Variants in TAFA2 observed in about 807,000 individuals in gnomAD.
TAFA2 encodes the protein chemokine-like protein TAFA-2.
Under a neutral mutation model 18.8 loss-of-function variants are expected in TAFA2, and 7 were observed. That is an observed-to-expected ratio of 0.37 (90% CI 0.21 to 0.70). The LOEUF is 0.70. TAFA2 is among the 30% of genes least tolerant of loss of function. The pLI is 0.53. For missense variants in TAFA2, 122 were observed against 158.1 expected (o/e 0.77, Z 1.23); for synonymous variants, 60 against 54.2 (o/e 1.11, Z -0.47).
chr12:62,189,940 T>TTGTG (rs10643306), intron 1 of TAFA2, among the ~76,000 whole-genome samples: 26,633 of 141,828 alleles, frequency 0.19, 2,650 homozygotes, highest in East Asian at 0.29. Flanking sequence ...TGAGTTTGCT[T>TTGTG]TGTGTGTGTG....
chr12:61,761,783 A>G (rs933246999), intron 2 of TAFA2, among the ~76,000 whole-genome samples: 2 of 152,076 alleles, frequency 1.3e-5, no homozygotes, highest in African/African-American at 4.8e-5. Context: ...GATCTTGACC[A>G]TTATCTTATA....
intron 1 of TAFA2, among the ~76,000 whole-genome samples, chr12:62,184,608 C>G (rs1000786321): frequency 6.7e-6 from 1 of 148,512 alleles, no homozygotes; most frequent in Non-Finnish European, 1.5e-5. Context: ...ATCCTCCCCC[C>G]TCTCAGCCTC....
chr12:61,830,201 G>T, intron 2 of TAFA2, among the ~76,000 whole-genome samples: 1 of 149,914 alleles, frequency 6.7e-6, no homozygotes, highest in Middle Eastern at 3.6e-3. Context: ...TATGTATATG[G>T]TATGTATATG....
intron 1 of TAFA2, among the ~76,000 whole-genome samples, chr12:62,025,594 A>G (rs1881286182): frequency 6.6e-6 from 1 of 152,126 alleles, no homozygotes; most frequent in African/African-American, 2.4e-5. Flanking sequence ...TATCATTCAT[A>G]TTTAAGCAGA....
chr12:62,077,351 C>T (rs1192735692), intron 1 of TAFA2, among the ~76,000 whole-genome samples: 1 of 152,174 alleles, frequency 6.6e-6, no homozygotes, highest in Non-Finnish European at 1.5e-5. Flanking sequence ...AAAGTCATTG[C>T]AAAAGCTATC....
At position 61,763,719 on chromosome 12, in the gene TAFA2, C is replaced by A. The variant is rs144664043; in HGVS notation, c.107-8695G>T. 5.2e-3 allele frequency among the ~76,000 whole-genome samples: 797 copies of A among 151,898 alleles called. 14 individuals carry two copies. Among genetic ancestry groups the A allele is most frequent in the Admixed American group, 0.04 (612 of 15,228 alleles). On this transcript the variant is annotated intron_variant, in intron 2 of 4. Transcript: ENST00000416284. ...GAGTCAGGTAACCCACAGAAAGCTT[C>A]GCGCATGCCTCACGGTAAAGAGGGA...
chr12:61,761,001 G>C (rs1370512326), intron 2 of TAFA2, among the ~76,000 whole-genome samples: 5 of 151,976 alleles, frequency 3.3e-5, no homozygotes, highest in Non-Finnish European at 7.4e-5. Flanking sequence ...ATGAAACAGG[G>C]ATACAAAGTC....
chr12:62,010,058 C>G (rs973938308), intron 1 of TAFA2, among the ~76,000 whole-genome samples: 1 of 152,176 alleles, frequency 6.6e-6, no homozygotes, highest in African/African-American at 2.4e-5. Flanking sequence ...TCTCCATTAG[C>G]TTTTACATTT....
chr12:61,928,205 T>C (rs1018593366), intron 1 of TAFA2, among the ~76,000 whole-genome samples: 9 of 152,072 alleles, frequency 5.9e-5, no homozygotes, highest in African/African-American at 1.9e-4. Context: ...AAAGAAAATA[T>C]CATCAGAGTG....
At chr12:61,827,028 A>G (rs2121076433) in intron 2 of TAFA2, 1 of 152,210 alleles carries the variant, frequency 6.6e-6, no homozygotes, top group East Asian at 1.9e-4. Context: ...AGCTGGGCAT[A>G]TAACCACTTA....
At chr12:61,906,191 T>C (rs1876342731) in intron 1 of TAFA2, among the ~76,000 whole-genome samples, 1 of 152,156 alleles carries the variant, frequency 6.6e-6, no homozygotes, top group Non-Finnish European at 1.5e-5. Context: ...TCATAAACTC[T>C]TTTACAAAGT....
chr12:61,918,002 C>A (rs970776050), intron 1 of TAFA2, among the ~76,000 whole-genome samples: 2 of 151,712 alleles, frequency 1.3e-5, no homozygotes, highest in African/African-American at 2.4e-5. Flanking sequence ...GTATAAGAAC[C>A]ATGCTTATTT....
At chr12:62,013,134 T>A (rs1169497684) in intron 1 of TAFA2, among the ~76,000 whole-genome samples, 1 of 152,124 alleles carries the variant, frequency 6.6e-6, no homozygotes. Flanking sequence ...AAATAGTAAA[T>A]CAGTTCAGCA....
intron 1 of TAFA2, among the ~76,000 whole-genome samples, chr12:62,224,117 ACAC>A (rs888694618): frequency 1.5e-4 from 23 of 150,446 alleles, no homozygotes; most frequent in Admixed American, 5.9e-4. Context: ...ACACACACAC[ACAC>A]AATGGAATAT....
intron 1 of TAFA2, among the ~76,000 whole-genome samples, chr12:62,161,495 A>G (rs568748019): frequency 6.6e-6 from 1 of 152,318 alleles, no homozygotes; most frequent in East Asian, 1.9e-4. Flanking sequence ...GGAGCTAAAC[A>G]ATGTGTACAC....
In TAFA2 at chr12:61,785,617, C is replaced by T. The variant is rs75401927; in HGVS notation, c.107-30593G>A. ...ATGACTTTATGAACTCTGCAGATAC[C>T]TATCCTGCCTTGAACTTTCTGGAAG... On this transcript the variant is annotated intron_variant, in intron 2 of 4. Coordinates refer to ENST00000416284, the MANE Select transcript of TAFA2 (RefSeq NM_178539.5). 7.7e-3 allele frequency among the ~76,000 whole-genome samples: 1,164 copies of T among 151,536 alleles called. 9 individuals are homozygous for T. The highest frequency in any genetic ancestry group is 0.027 in the African/African-American group (1,110 of 41,418).
intron 2 of TAFA2, among the ~76,000 whole-genome samples, chr12:61,763,135 C>T (rs921300703): frequency 1.3e-5 from 2 of 151,990 alleles, no homozygotes; most frequent in African/African-American, 4.8e-5. Context: ...ATTTAAATAG[C>T]TCAATGAAAT....
chr12:61,845,805 TATAA>T (rs1262583158), intron 2 of TAFA2, among the ~76,000 whole-genome samples: 7 of 152,154 alleles, frequency 4.6e-5, no homozygotes, highest in African/African-American at 1.7e-4. Flanking sequence ...CTAACACTCA[TATAA>T]ATGATCCACA....
intron 2 of TAFA2, among the ~76,000 whole-genome samples, chr12:61,800,918 A>C (rs1037340401): frequency 1.3e-5 from 2 of 152,182 alleles, no homozygotes; most frequent in Non-Finnish European, 2.9e-5. Context: ...AAGAGAAAAA[A>C]GATAATGAGA....
Sources: gnomAD v4.1 joint callset for allele counts (sites outside exome capture counted in the v4.1 genomes callset) on GRCh38, gnomAD v4.1.1 for gene constraint, MANE v1.5 for transcripts, NCBI Gene and HGNC (gene_info 2026-07-23, HGNC 2026-07-21) for gene names.